ZNF57: variants seen among roughly 807,000 people sequenced by gnomAD.
The protein encoded by ZNF57 is zinc finger protein 424.
A neutral mutation model predicts 13.4 loss-of-function variants in ZNF57; 11 were observed. That is an observed-to-expected ratio of 0.82 (90% confidence interval 0.52 to 1.36). The LOEUF is 1.36. Ranked by LOEUF, ZNF57 falls within the 40% of genes most tolerant of loss-of-function variation. The pLI is 0.00. For missense variants in ZNF57, 696 were observed against 667.5 expected (o/e 1.04, Z -0.47); for synonymous variants, 224 against 238.5 (o/e 0.94, Z 0.56).
chr19:2,905,273 T>C (rs1654384299), intron 1 of ZNF57, among the ~76,000 whole-genome samples: 1 of 151,736 alleles, frequency 6.6e-6, no homozygotes, highest in African/African-American at 2.4e-5. Flanking sequence ...CAAGCGATTC[T>C]TCTGCCTCAG....
intron 1 of ZNF57, among the ~76,000 whole-genome samples, chr19:2,904,880 G>A (rs549007155): frequency 2.0e-4 from 31 of 152,224 alleles, no homozygotes; most frequent in African/African-American, 7.0e-4. Context: ...GGGCATATGT[G>A]AGCACTTTCC....
chr19:2,901,145 G>A (rs954022128), intron 1 of ZNF57, 97 bp downstream of exon 1: 9 of 1,447,850 alleles, frequency 6.2e-6, no homozygotes, highest in Non-Finnish European at 8.3e-6. Context: ...GATTGGCTGA[G>A]GGACGCGCGG....
rs1044384465 is a variant in ZNF57, at chr19:2,917,639, C to T, written c.1018C>T (p.His340Tyr). Residue 340 changes from histidine (H) to tyrosine (Y), a missense_variant, in exon 4 of 4, where the codon CAC becomes TAC. This residue lies in a region of ZNF57 where 645 missense variants were observed against 591.5 expected (regional missense o/e 1.09). Transcript: ENST00000306908. The part of the protein sequence containing the change: ...HTGDKLYKCE[H>Y]CGKAFTSSRS... ...TGGGGACAAACTCTATAAATGTGAA[C>T]ACTGTGGGAAGGCTTTTACCTCTTC... 5 of 1,613,610 alleles carry T rather than the reference C, an allele frequency of 3.1e-6. No homozygotes were observed. The African/African-American group carries it at 6.7e-5, about 22-fold the overall frequency.
chr19:2,904,360 G>A lies in ZNF57; in HGVS notation c.3+3312G>A, dbSNP rs556942812. On this transcript the variant is annotated intron_variant, in intron 1 of 3. Coordinates refer to ENST00000306908, the MANE Select transcript of ZNF57 (RefSeq NM_173480.3). ...TATTTTGTGTACTTATTTATTTTTAGAGACAAGGTCTTGTTCTATTGCCCA... is the reference window on the plus strand; with the variant it reads ...TATTTTGTGTACTTATTTATTTTTAAAGACAAGGTCTTGTTCTATTGCCCA... 4.6e-5 allele frequency among the ~76,000 whole-genome samples: 7 copies of A among 152,068 alleles called. No individual in the cohort carries two copies. The East Asian group carries it at 1.4e-3, about 29-fold the overall frequency.
At chr19:2,901,972 G>T (rs905282695) in intron 1 of ZNF57, among the ~76,000 whole-genome samples, 9 of 151,962 alleles carry the variant, frequency 5.9e-5, no homozygotes, top group Admixed American at 5.2e-4. Flanking sequence ...ACAAGGGCTG[G>T]GAGGAATATT....
chr19:2,909,022 G>C (rs2088105042), intron 1 of ZNF57, among the ~76,000 whole-genome samples: 1 of 151,942 alleles, frequency 6.6e-6, no homozygotes, highest in African/African-American at 2.4e-5. Context: ...TCATGTTTTA[G>C]CCTGTTAGAG....
rs1491033425 is a variant in ZNF57, at chr19:2,905,418, C to CG, written c.3+4370_3+4371insG. On this transcript the variant is annotated intron_variant, in intron 1 of 3. Transcript: ENST00000306908. ...GACTTCAGGTGATCGCCCCCCCCCCCTCGGCATTCCAAAGTATTTGCATTA... is the reference window on the plus strand; with the variant it reads ...GACTTCAGGTGATCGCCCCCCCCCCCGTCGGCATTCCAAAGTATTTGCATTA... 7.6e-5 allele frequency among the ~76,000 whole-genome samples: 6 copies of CG among 79,074 alleles called. 1 individual carries two copies. In the South Asian group the frequency reaches 1.2e-3, roughly 16 times the overall value. 51.9% of individuals were successfully genotyped at this position (79,074 alleles called of 152,430 possible).
At position 2,917,772 on chromosome 19, in the gene ZNF57, G is replaced by C. The variant is rs757028365; in HGVS notation, c.1151G>C (p.Arg384Thr). 4 of 1,606,148 alleles carry C rather than the reference G, an allele frequency of 2.5e-6. No individual in the cohort carries two copies. The highest frequency in any genetic ancestry group is 3.4e-6 in the Non-Finnish European group (4 of 1,176,228). Residue 384 changes from arginine to threonine, a missense_variant, in exon 4 of 4, where the codon AGA becomes ACA. By Grantham distance (71) the Arg-to-Thr change is moderately conservative. This residue lies in a region of ZNF57 where 645 missense variants were observed against 591.5 expected (regional missense o/e 1.09). Transcript: ENST00000306908. Reference protein sequence around the residue: ...TWSSTFREHVRIHTQEQLYKC... With the variant: ...TWSSTFREHVTIHTQEQLYKC... ...TCCTCAACGTTTAGAGAACATGTGAGAATTCACACGCAAGAGCAGCTCTAT... is the reference window on the plus strand; with the variant it reads ...TCCTCAACGTTTAGAGAACATGTGACAATTCACACGCAAGAGCAGCTCTAT...
Position 2,917,300 on chromosome 19 carries a change from G to A in ZNF57, c.679G>A (p.Glu227Lys), listed in dbSNP as rs758876214. 21 of 1,613,910 alleles carry A rather than the reference G, an allele frequency of 1.3e-5. No homozygotes were observed. Among genetic ancestry groups the A allele is most frequent in the African/African-American group, 9.3e-5 (7 of 74,922 alleles). ...THTAEKTYKC[E>K]QCRMAFNGFA... Reference sequence around the variant, plus strand: ...CACAGCAGAGAAAACCTACAAATGCGAGCAGTGTCGGATGGCGTTTAATGG... The same window carrying A: ...CACAGCAGAGAAAACCTACAAATGCAAGCAGTGTCGGATGGCGTTTAATGG... Residue 227 changes from glutamate to lysine, a missense_variant, in exon 4 of 4, where the codon GAG becomes AAG. This residue lies in a region of ZNF57 where 645 missense variants were observed against 591.5 expected (regional missense o/e 1.09). Transcript: ENST00000306908.
At chr19:2,910,814 TCCATCTCC>T (rs374984876) in intron 1 of ZNF57, among the ~76,000 whole-genome samples, 561 of 53,614 alleles carry the variant, frequency 0.01, 70 homozygotes, top group African/African-American at 0.024. Context: ...CAGGATGGTC[TCCATCTCC>T]TGACGTCGTG....
chr19:2,903,492 G>A (rs1016317358), intron 1 of ZNF57, among the ~76,000 whole-genome samples: 3 of 152,076 alleles, frequency 2.0e-5, no homozygotes, highest in East Asian at 1.9e-4. Context: ...GATTTCAGGC[G>A]TGAGCCACCG....
chr19:2,901,053 G>C lies in ZNF57; in HGVS notation c.3+5G>C. Reference sequence around the variant, plus strand: ...CCCAGGAGCAGGGGAGACATGGTGAGTGCGAGGCAGGAGCAGAGCCAGGGG... The same window carrying C: ...CCCAGGAGCAGGGGAGACATGGTGACTGCGAGGCAGGAGCAGAGCCAGGGG... On this transcript the variant is annotated splice_donor_5th_base_variant and intron_variant, in intron 1 of 3. Transcript: ENST00000306908. The C allele has an allele frequency of 6.4e-7, 1 of 1,559,766 alleles. No individual in the cohort carries two copies. Among genetic ancestry groups the C allele is most frequent in the Non-Finnish European group, 8.7e-7 (1 of 1,151,298 alleles).
At chr19:2,905,246 C>T (rs1447992998) in intron 1 of ZNF57, among the ~76,000 whole-genome samples, 2 of 151,672 alleles carry the variant, frequency 1.3e-5, no homozygotes, top group Non-Finnish European at 2.9e-5. Flanking sequence ...CTCACTGCAT[C>T]CTCCGTCTCC....
intron 1 of ZNF57, among the ~76,000 whole-genome samples, chr19:2,909,277 T>TTTTA (rs2088108940): frequency 8.4e-6 from 1 of 119,452 alleles, no homozygotes; most frequent in African/African-American, 2.9e-5. Flanking sequence ...TTTTATTTAT[T>TTTTA]TTTGTTTTTT....
Position 2,917,784 on chromosome 19 carries a change from A to C in ZNF57, c.1163A>C (p.Gln388Pro), listed in dbSNP as rs780349450. The change falls in exon 4 of 4, where the codon CAA (glutamine) becomes CCA (proline). Residue 388 changes from glutamine to proline, a missense_variant. Coordinates refer to ENST00000306908, the MANE Select transcript of ZNF57 (RefSeq NM_173480.3). ...TFREHVRIHTQEQLYKCEQCG... is the reference protein window; with the variant it reads ...TFREHVRIHTPEQLYKCEQCG... ...AGAGAACATGTGAGAATTCACACGC[A>C]AGAGCAGCTCTATAAATGTGAACAA... is the stretch of plus-strand genomic sequence containing the variant. 1.9e-6 allele frequency: 3 copies of C among 1,604,498 alleles called. No individual in the cohort carries two copies. In the Admixed American group the frequency reaches 5.0e-5, roughly 27 times the overall value.
At chr19:2,916,031 AATAC>A (rs1451201038) in intron 2 of ZNF57, 43 bp from the exon 3 acceptor site, 5 of 1,574,534 alleles carry the variant, frequency 3.2e-6, no homozygotes, top group Non-Finnish European at 4.3e-6. Flanking sequence ...TCCTTTGCTT[AATAC>A]GTGTCTTATT....
chr19:2,913,698 C>G (rs929685500), intron 1 of ZNF57, among the ~76,000 whole-genome samples: 3 of 151,878 alleles, frequency 2.0e-5, no homozygotes, highest in African/African-American at 7.3e-5. Context: ...AACTCTCACT[C>G]TGTCAGTGAT....
chr19:2,917,388 A>C lies in ZNF57; in HGVS notation c.767A>C (p.Glu256Ala). 1 of 1,614,214 alleles carries C rather than the reference A, an allele frequency of 6.2e-7. No individual in the cohort carries two copies. The highest frequency in any genetic ancestry group is 8.5e-7 in the Non-Finnish European group (1 of 1,180,046). Residue 256 changes from glutamate (E) to alanine (A), a missense_variant, in exon 4 of 4, where the codon GAA becomes GCA. Around this residue, in one of 3 missense-constraint regions of ZNF57, gnomAD observed 645 missense variants for 591.5 expected, o/e 1.09. Coordinates refer to ENST00000306908, the MANE Select transcript of ZNF57 (RefSeq NM_173480.3). ...HTKDRPYKCQECGRAFIYPST... is the reference protein window; with the variant it reads ...HTKDRPYKCQACGRAFIYPST... The stretch of plus-strand genomic sequence containing the variant: ...AAAGACAGGCCATATAAATGTCAGG[A>C]ATGTGGGAGAGCCTTCATTTATCCC...
In ZNF57 at chr19:2,917,282, G is replaced by A. The variant is rs775381472; in HGVS notation, c.661G>A (p.Glu221Lys). 1.3e-5 allele frequency: 21 copies of A among 1,614,076 alleles called. No individual in the cohort carries two copies. In the Middle Eastern group the frequency reaches 6.6e-4, roughly 51 times the overall value. The change falls in exon 4 of 4, where the codon GAG becomes AAG. Residue 221 changes from glutamate to lysine, a missense_variant. By Grantham distance (56) the Glu-to-Lys change is moderately conservative. Around this residue, in one of 3 missense-constraint regions of ZNF57, gnomAD observed 645 missense variants for 591.5 expected, o/e 1.09. Coordinates refer to ENST00000306908, the MANE Select transcript of ZNF57 (RefSeq NM_173480.3). The part of the protein sequence containing the change: ...LSHHVKTHTA[E>K]KTYKCEQCRM... The stretch of plus-strand genomic sequence containing the variant: ...CCACCACGTAAAGACTCACACAGCA[G>A]AGAAAACCTACAAATGCGAGCAGTG...
Sources: gnomAD v4.1 joint callset for allele counts (sites outside exome capture counted in the v4.1 genomes callset) on GRCh38, gnomAD v4.1.1 for gene constraint, gnomAD v4.1.1 regional missense constraint, MANE v1.5 for transcripts, NCBI Gene and HGNC (gene_info 2026-07-23, HGNC 2026-07-21) for gene names.